Variants in PARP15 observed in about 807,000 individuals in gnomAD.
PARP15 encodes the protein poly(ADP-ribose) polymerase family member 15.
Under a neutral mutation model 62.1 loss-of-function variants are expected in PARP15, and 50 were observed. The ratio of observed to expected loss-of-function variants is 0.81; its 90% CI spans 0.64 to 1.02. The LOEUF (loss-of-function observed/expected upper bound fraction) is 1.02, where lower values mean the gene tolerates loss of function less well. PARP15 is among the 50% of genes least tolerant of loss of function. The probability of loss-of-function intolerance (pLI) is 0.00; values close to 1 mark genes in which losing one functional copy is unlikely to be tolerated. For missense variants in PARP15, 820 were observed against 826.5 expected, an observed-to-expected ratio of 0.99 and a Z score of 0.10; for synonymous variants, 309 against 293.1, an observed-to-expected ratio of 1.05 and a Z score of -0.55.
intron 6 of PARP15, among the ~76,000 whole-genome samples, chr3:122,617,452 A>G (rs907014553): frequency 7.2e-5 from 11 of 152,168 alleles, no homozygotes. Flanking sequence ...TAACTGACGC[A>G]TTGTACTTAG....
At chr3:122,593,331 G>A (rs911953184) in intron 1 of PARP15, among the ~76,000 whole-genome samples, 1 of 151,912 alleles carries the variant, frequency 6.6e-6, no homozygotes, top group Non-Finnish European at 1.5e-5. Context: ...TAATAGAGAC[G>A]GGGTTTCACC....
At chr3:122,610,791 G>A in intron 3 of PARP15, 61 bp downstream of exon 3, 1 of 1,397,932 alleles carries the variant, frequency 7.2e-7, no homozygotes, top group Middle Eastern at 2.2e-4. Flanking sequence ...CTTCTGGTGT[G>A]GTATAGATCT....
rs541484393 is a variant in PARP15 at position 122,609,048 on chromosome 3, C to T, written c.307-1446C>T. Among the ~76,000 whole-genome samples the T allele has an allele frequency of 2.0e-5, 3 of 152,206 alleles. No homozygotes were observed. In the East Asian group the frequency reaches 5.8e-4, roughly 29 times the overall value. On this transcript the variant is annotated intron_variant, in intron 2 of 11. Coordinates refer to ENST00000464300, the MANE Select transcript of PARP15 (RefSeq NM_001113523.3). Reference sequence around the variant, plus strand: ...GGATTACAGGAGTAAACCACTACACCCAGCCTATTTTTTTACATGTTAATA... The same window carrying T: ...GGATTACAGGAGTAAACCACTACACTCAGCCTATTTTTTTACATGTTAATA...
rs375198361 is a variant in PARP15, at chr3:122,617,011, T to C, written c.851-4T>C. On this transcript the variant is annotated splice_region_variant and splice_polypyrimidine_tract_variant and intron_variant, in intron 5 of 11. Transcript: ENST00000464300. Reference sequence around the variant, plus strand: ...CATTCTTTACCTATTTTCTTTCTTTTCAGGTGTGGTCGGGACTGTCTCTAA... The same window carrying C: ...CATTCTTTACCTATTTTCTTTCTTTCCAGGTGTGGTCGGGACTGTCTCTAA... 14 of 1,613,270 alleles carry C rather than the reference T, an allele frequency of 8.7e-6. No homozygotes were observed. The South Asian group carries it at 1.3e-4, about 15-fold the overall frequency.
Position 122,635,175 on chromosome 3 carries a change from A to G in PARP15, c.1728A>G (p.Arg576=), listed in dbSNP as rs1230258609. ...ATGTCAATCAGCACGGCTTTAATAG[A>G]AGTTGTGCTGGGAAAAATGGTAAGG... ...VPYVNQHGFN[R]SCAGKNAVSY... Residue 576 remains arginine (R), a synonymous_variant, in exon 11 of 12, where the codon AGA becomes AGG. Transcript: ENST00000464300. The G allele has an allele frequency of 6.2e-7, 1 of 1,613,386 alleles. No individual in the cohort carries two copies. The highest frequency in any genetic ancestry group is 1.7e-5 in the Admixed American group (1 of 59,874).
chr3:122,611,035 A>G (rs545601644), intron 3 of PARP15, among the ~76,000 whole-genome samples: 86 of 152,318 alleles, frequency 5.6e-4, no homozygotes, highest in African/African-American at 2.0e-3. Context: ...ACTACCAGTT[A>G]TTTCCAAGTA....
intron 1 of PARP15, among the ~76,000 whole-genome samples, chr3:122,598,315 G>C (rs769286075): frequency 1.3e-5 from 2 of 151,996 alleles, no homozygotes; most frequent in African/African-American, 2.4e-5. Context: ...CACTTTCTGT[G>C]ATCAGGAATT....
intron 1 of PARP15, among the ~76,000 whole-genome samples, chr3:122,582,832 G>C (rs144036983): frequency 1.6e-4 from 24 of 152,024 alleles, no homozygotes; most frequent in African/African-American, 5.1e-4. Context: ...ATTATTTTGT[G>C]TCTTTCATTC....
In PARP15 at chr3:122,632,082, C is replaced by T; in HGVS notation, c.1439-4C>T. On this transcript the variant is annotated splice_polypyrimidine_tract_variant and splice_region_variant and intron_variant, in intron 9 of 11. Transcript: ENST00000464300. ...TGTGTTTTGACCAAATGCTGACTTTCCAGGTAATCTTCCTGAACACTGGAC... is the reference window on the plus strand; with the variant it reads ...TGTGTTTTGACCAAATGCTGACTTTTCAGGTAATCTTCCTGAACACTGGAC... 2 of 1,613,954 alleles carry T rather than the reference C, an allele frequency of 1.2e-6. No individual in the cohort carries two copies. Among genetic ancestry groups the T allele is most frequent in the Non-Finnish European group, 8.5e-7 (1 of 1,179,940 alleles).
intron 1 of PARP15, among the ~76,000 whole-genome samples, chr3:122,598,645 C>T (rs1254729881): frequency 2.6e-5 from 4 of 152,242 alleles, no homozygotes; most frequent in African/African-American, 7.2e-5. Flanking sequence ...AGTGACATAG[C>T]GTCAATTCTG....
At chr3:122,610,284 T>C (rs1039901626) in intron 2 of PARP15, among the ~76,000 whole-genome samples, 11 of 152,232 alleles carry the variant, frequency 7.2e-5, no homozygotes, top group African/African-American at 2.7e-4. Context: ...GTGGTTAATA[T>C]ATTTCCTTAA....
Position 122,593,120 on chromosome 3 carries a change from CTATG to C in PARP15, c.187-12812_187-12809del, listed in dbSNP as rs1378385310. 2.9e-4 allele frequency among the ~76,000 whole-genome samples: 9 copies of C among 30,642 alleles called. No individual in the cohort carries two copies. The East Asian group carries it at 0.022, about 74-fold the overall frequency. 20.1% of individuals were successfully genotyped at this position (30,642 alleles called of 152,430 possible). ...TCTATCTATCTATCTATCTATCTATCTATGTATCTATCTATCATGTATCTATCTA... is the reference window on the plus strand; with the variant it reads ...TCTATCTATCTATCTATCTATCTATCTATCTATCTATCATGTATCTATCTA... On this transcript the variant is annotated intron_variant, in intron 1 of 11. Coordinates refer to ENST00000464300, the MANE Select transcript of PARP15 (RefSeq NM_001113523.3).
intron 7 of PARP15, among the ~76,000 whole-genome samples, chr3:122,620,673 G>A (rs1321414043): frequency 1.3e-5 from 2 of 148,612 alleles, no homozygotes; most frequent in African/African-American, 2.5e-5. Flanking sequence ...GGAGGCAGGA[G>A]CAGAGGATGA....
Position 122,577,872 on chromosome 3 carries a change from G to T in PARP15, c.186+19G>T. 6.5e-7 allele frequency: 1 copy of T among 1,530,600 alleles called. No homozygotes were observed. Among genetic ancestry groups the T allele is most frequent in the Non-Finnish European group, 8.8e-7 (1 of 1,135,558 alleles). 94.8% of individuals were successfully genotyped at this position (1,530,600 alleles called of 1,614,324 possible). A position where few individuals can be genotyped will look rare whatever the true frequency, so the allele number is the denominator to read the frequency against. The stretch of plus-strand genomic sequence containing the variant: ...GAGTATGGTGAGGAGCGCGGGGGAC[G>T]GGTGCGGGAAGGGGACAGCAGGGCT... On this transcript the variant is annotated intron_variant, in intron 1 of 11. Transcript: ENST00000464300.
chr3:122,625,633 A>G (rs1050685935), intron 8 of PARP15, among the ~76,000 whole-genome samples: 2 of 152,220 alleles, frequency 1.3e-5, no homozygotes, highest in Non-Finnish European at 2.9e-5. Flanking sequence ...TGTCCTTATA[A>G]GAAGAGGACA....
Position 122,624,062 on chromosome 3 carries a change from A to G in PARP15, c.1231+2451A>G, listed in dbSNP as rs559571525. Among the ~76,000 whole-genome samples the G allele has an allele frequency of 3.2e-4, 49 of 152,118 alleles. No homozygotes were observed. In the South Asian group the frequency reaches 4.4e-3, roughly 14 times the overall value. Reference sequence around the variant, plus strand: ...GCTACTCAGGAGGCTGAGGTGGGAGAATCACTTGAATTCGGGAGGCAGAGG... The same window carrying G: ...GCTACTCAGGAGGCTGAGGTGGGAGGATCACTTGAATTCGGGAGGCAGAGG... On this transcript the variant is annotated intron_variant, in intron 8 of 11. Coordinates refer to ENST00000464300, the MANE Select transcript of PARP15 (RefSeq NM_001113523.3).
At chr3:122,624,841 A>G (rs373244812) in intron 8 of PARP15, among the ~76,000 whole-genome samples, 1 of 152,124 alleles carries the variant, frequency 6.6e-6, no homozygotes, top group Non-Finnish European at 1.5e-5. Context: ...ACATAATTGT[A>G]TACTTATTCT....
intron 1 of PARP15, among the ~76,000 whole-genome samples, chr3:122,598,525 G>A (rs1231114787): frequency 6.6e-6 from 1 of 152,136 alleles, no homozygotes. Flanking sequence ...AATGGCAGCT[G>A]ACTTTCCCCA....
Position 122,605,969 on chromosome 3 carries a change from C to T in PARP15, c.220C>T (p.Leu74Phe). Residue 74 changes from leucine to phenylalanine, a missense_variant, in exon 2 of 12, where the codon CTT becomes TTT. Leu to Phe is a conservative substitution (Grantham distance 22). Transcript: ENST00000464300. ...CAACAAGTTCAGCAAGAAAGATTGT[C>T]TTTCAATCAGGAATGTTGTAGCTTC... ...RDNKFSKKDC[L>F]SIRNVVASIQ... 6.4e-7 allele frequency: 1 copy of T among 1,551,744 alleles called. No individual in the cohort carries two copies. Among genetic ancestry groups the T allele is most frequent in the Non-Finnish European group, 8.7e-7 (1 of 1,146,928 alleles).
Sources: gnomAD v4.1 joint callset for allele counts (sites outside exome capture counted in the v4.1 genomes callset) on GRCh38, gnomAD v4.1.1 for gene constraint, MANE v1.5 for transcripts, NCBI Gene and HGNC (gene_info 2026-07-23, HGNC 2026-07-21) for gene names.